Variants in PEX5L observed in about 807,000 individuals in gnomAD.
PEX5L encodes the protein peroxisomal biogenesis factor 5 like.
Under a neutral mutation model 84.0 loss-of-function variants are expected in PEX5L, and 30 were observed. That is an observed-to-expected ratio of 0.36 (90% CI 0.27 to 0.48). The LOEUF is 0.48. PEX5L is among the 20% of genes least tolerant of loss of function. The pLI is 0.99. For missense variants in PEX5L, 533 were observed against 754.6 expected (o/e 0.71, Z 3.44); for synonymous variants, 270 against 283.1 (o/e 0.95, Z 0.46).
chr3:179,891,519 T>C (rs1757619425), intron 3 of PEX5L, among the ~76,000 whole-genome samples: 1 of 152,162 alleles, frequency 6.6e-6, no homozygotes, highest in South Asian at 2.1e-4. Context: ...ACGGAAATCT[T>C]TCCTTATAAG....
Position 179,900,119 on chromosome 3 carries a change from T to C in PEX5L, c.94-1873A>G, listed in dbSNP as rs186537520. ...TATTTGGATGAAACATCACACGCTA[T>C]AAACTTAGTACATCTTTATAAGCTA... On this transcript the variant is annotated intron_variant, in intron 2 of 14. Coordinates refer to ENST00000467460, the MANE Select transcript of PEX5L (RefSeq NM_016559.3). Among the ~76,000 whole-genome samples, 27 of 152,308 alleles carry C rather than the reference T, an allele frequency of 1.8e-4. No homozygotes were observed. In the East Asian group the frequency reaches 4.4e-3, roughly 25 times the overall value.
chr3:179,951,961 T>C (rs1779205940), intron 2 of PEX5L, among the ~76,000 whole-genome samples: 1 of 152,204 alleles, frequency 6.6e-6, no homozygotes, highest in South Asian at 2.1e-4. Flanking sequence ...ATATTTCCAA[T>C]AGTGGAATAG....
intron 2 of PEX5L, among the ~76,000 whole-genome samples, chr3:179,926,171 AC>A (rs1771391950): frequency 6.6e-6 from 1 of 152,040 alleles, no homozygotes; most frequent in Admixed American, 6.5e-5. Flanking sequence ...TCTCGCCACC[AC>A]CACTGCTGCT....
intron 1 of PEX5L, among the ~76,000 whole-genome samples, chr3:180,020,073 C>G (rs1377334482): frequency 2.6e-5 from 4 of 152,060 alleles, no homozygotes; most frequent in Non-Finnish European, 5.9e-5. Flanking sequence ...AACATCTCAT[C>G]GAAAATTTCC....
intron 2 of PEX5L, among the ~76,000 whole-genome samples, chr3:179,966,926 T>A (rs915127154): frequency 3.9e-5 from 6 of 152,152 alleles, no homozygotes; most frequent in Non-Finnish European, 7.4e-5. Flanking sequence ...TTGAGGAGGT[T>A]GTGAGAGGAA....
intron 1 of PEX5L, among the ~76,000 whole-genome samples, chr3:180,035,640 A>T (rs547175076): frequency 1.6e-4 from 24 of 152,334 alleles, no homozygotes; most frequent in African/African-American, 5.5e-4. Flanking sequence ...TCTAAAAGAC[A>T]CAGAAGCAAA....
At chr3:180,006,292 A>AT (rs904607725) in intron 1 of PEX5L, among the ~76,000 whole-genome samples, 25 of 151,096 alleles carry the variant, frequency 1.7e-4, no homozygotes, top group African/African-American at 3.7e-4. Context: ...CTTTATTATT[A>AT]TTTTTTTTGC....
At chr3:180,030,241 A>G (rs1040441623) in intron 1 of PEX5L, among the ~76,000 whole-genome samples, 1 of 152,104 alleles carries the variant, frequency 6.6e-6, no homozygotes, top group Non-Finnish European at 1.5e-5. Context: ...GTTTCTCCAC[A>G]AGGCATAATG....
chr3:179,926,925 T>C (rs968860361), intron 2 of PEX5L, among the ~76,000 whole-genome samples: 19 of 152,196 alleles, frequency 1.2e-4, no homozygotes, highest in African/African-American at 4.6e-4. Context: ...TTTAGTGTGT[T>C]TAGGAAAAAA....
At chr3:179,971,540 A>C (rs1784739379) in intron 2 of PEX5L, 54 bp downstream of exon 2, 2 of 1,545,750 alleles carry the variant, frequency 1.3e-6, no homozygotes, top group Admixed American at 4.0e-5. Context: ...AAAAGGCTTT[A>C]GTCATCAAAA....
At chr3:180,013,090 G>A (rs1789632601) in intron 1 of PEX5L, among the ~76,000 whole-genome samples, 1 of 152,168 alleles carries the variant, frequency 6.6e-6, no homozygotes, top group African/African-American at 2.4e-5. Context: ...TAGGAAAAGT[G>A]ATCAGTTTTG....
At chr3:179,934,850 A>G (rs535894488) in intron 2 of PEX5L, among the ~76,000 whole-genome samples, 1 of 152,326 alleles carries the variant, frequency 6.6e-6, no homozygotes, top group South Asian at 2.1e-4. Context: ...AATGTATTTT[A>G]AAAAGCATTT....
chr3:179,811,704 C>A, intron 11 of PEX5L, 97 bp downstream of exon 11: 1 of 917,368 alleles, frequency 1.1e-6, no homozygotes, highest in Admixed American at 1.7e-5. Context: ...AAATTCTTTA[C>A]ACTGTACTTC....
chr3:179,970,113 A>G (rs1405155005), intron 2 of PEX5L, among the ~76,000 whole-genome samples: 2 of 152,262 alleles, frequency 1.3e-5, no homozygotes, highest in Non-Finnish European at 2.9e-5. Flanking sequence ...GAAAGAAAAG[A>G]AAAGCTTTGG....
intron 2 of PEX5L, among the ~76,000 whole-genome samples, chr3:179,906,162 C>A (rs1311354757): frequency 6.6e-6 from 1 of 152,202 alleles, no homozygotes; most frequent in East Asian, 1.9e-4. Flanking sequence ...CCTTTGTCCA[C>A]AAACAATTTA....
At chr3:179,943,159 A>G (rs1239004940) in intron 2 of PEX5L, among the ~76,000 whole-genome samples, 1 of 152,178 alleles carries the variant, frequency 6.6e-6, no homozygotes, top group Non-Finnish European at 1.5e-5. Context: ...TTACTTTCCT[A>G]TTTATGGTAG....
chr3:179,980,794 C>T (rs1786254682), intron 1 of PEX5L, among the ~76,000 whole-genome samples: 1 of 152,082 alleles, frequency 6.6e-6, no homozygotes, highest in African/African-American at 2.4e-5. Flanking sequence ...GTAATCCCAG[C>T]ACTTTGGGAG....
intron 14 of PEX5L, among the ~76,000 whole-genome samples, chr3:179,805,381 G>A (rs920666078): frequency 6.6e-6 from 1 of 151,990 alleles, no homozygotes; most frequent in Non-Finnish European, 1.5e-5. Flanking sequence ...ATGAACCCCT[G>A]AGAATACCAA....
intron 2 of PEX5L, among the ~76,000 whole-genome samples, chr3:179,956,248 C>T (rs529632084): frequency 1.1e-4 from 17 of 152,222 alleles, no homozygotes; most frequent in Admixed American, 9.8e-4. Context: ...TCAGCTCTGC[C>T]TTATAGATCT....
Sources: gnomAD v4.1 joint callset for allele counts (sites outside exome capture counted in the v4.1 genomes callset) on GRCh38, gnomAD v4.1.1 for gene constraint, MANE v1.5 for transcripts, NCBI Gene and HGNC (gene_info 2026-07-23, HGNC 2026-07-21) for gene names.